The following ZNF544 variants were observed in gnomAD, a reference collection of about 807,000 sequenced individuals.
The protein encoded by ZNF544 is zinc finger protein 544.
In ZNF544, 10 loss-of-function variants were observed where a neutral mutation model predicts 13.5. The ratio of observed to expected loss-of-function variants is 0.74; its 90% CI spans 0.46 to 1.25. The LOEUF is 1.25. ZNF544 is among the 50% of genes most tolerant of loss of function. ZNF544 has a pLI of 0.00. For missense variants in ZNF544, 896 were observed against 845.6 expected (o/e 1.06, Z -0.74); for synonymous variants, 323 against 300.5 (o/e 1.07, Z -0.77).
At chr19:58,264,610 G>A (rs2049608999), downstream of ZNF544, among the ~76,000 whole-genome samples, 1 of 151,608 alleles carries the variant, frequency 6.6e-6, no homozygotes, top group Non-Finnish European at 1.5e-5. Context: ...AGAATTGCTT[G>A]AACCTGGGAG....
chr19:58,247,916 A>C (rs1600296336), intron 6 of ZNF544, among the ~76,000 whole-genome samples: 1 of 149,746 alleles, frequency 6.7e-6, no homozygotes. Context: ...ATCTTGAGGC[A>C]TCCTTTTTTT....
intron 3 of ZNF544, among the ~76,000 whole-genome samples, chr19:58,232,240 G>A (rs567590289): frequency 6.6e-6 from 1 of 152,128 alleles, no homozygotes; most frequent in Admixed American, 6.5e-5. Context: ...ACAAACAGGT[G>A]GTGGGATGAG....
At chr19:58,259,519 A>G (rs1196252137) in intron 6 of ZNF544, 1 of 152,246 alleles carries the variant, frequency 6.6e-6, no homozygotes, top group Non-Finnish European at 1.5e-5. Flanking sequence ...ATGTCACTGG[A>G]TCAAAATCAA....
At chr19:58,249,867 A>G (rs1350869907) in intron 6 of ZNF544, among the ~76,000 whole-genome samples, 1 of 152,190 alleles carries the variant, frequency 6.6e-6, no homozygotes, top group African/African-American at 2.4e-5. Flanking sequence ...AGCTTTCCAT[A>G]AAATCCTTGG....
chr19:58,259,964 T>C (rs1219326825), intron 6 of ZNF544, among the ~76,000 whole-genome samples: 3 of 152,064 alleles, frequency 2.0e-5, no homozygotes, highest in African/African-American at 4.8e-5. Context: ...GAAGGGTACA[T>C]TGGCTTGGCT....
chr19:58,275,489 T>C lies in ZNF544; in HGVS notation c.245-834T>C, dbSNP rs377491228. Reference sequence around the variant, plus strand: ...TACTGCAATAGACAAACTCCTACCTTATAATCAAGGAGATAAACAAGAACT... The same window carrying C: ...TACTGCAATAGACAAACTCCTACCTCATAATCAAGGAGATAAACAAGAACT... On this transcript the variant is annotated intron_variant, in intron 5 of 6. Coordinates refer to the ZNF544 transcript ENST00000595981. Among the ~76,000 whole-genome samples the C allele has an allele frequency of 7.8e-4, 118 of 151,448 alleles. 1 individual carries two copies. In the South Asian group the frequency reaches 0.023, roughly 29 times the overall value.
intron 5 of ZNF544, 108 bp from the exon 6 acceptor site, chr19:58,246,603 A>G (rs569635705): frequency 6.8e-7 from 1 of 1,472,040 alleles, no homozygotes; most frequent in East Asian, 2.3e-5. Flanking sequence ...TTGTAGTCCT[A>G]ACAGTGGGGA....
intron 3 of ZNF544, among the ~76,000 whole-genome samples, chr19:58,236,272 G>C (rs185684363): frequency 6.4e-4 from 97 of 151,796 alleles, no homozygotes; most frequent in African/African-American, 2.2e-3. Flanking sequence ...GGCCGAGGCG[G>C]GCAGATCACC....
rs1302101247 is a variant in ZNF544 at position 58,229,458 on chromosome 19, T to G, written c.-231-10T>G. On this transcript the variant is annotated splice_polypyrimidine_tract_variant and intron_variant, in intron 1 of 6. Coordinates refer to ENST00000687789, the MANE Select transcript of ZNF544 (RefSeq NM_014480.4). ...CCTCCCTCAACTCATCTTCTGCGGC[T>G]TATCCACAGGTGGCAGCCAAGAGCC... 6.6e-6 allele frequency: 1 copy of G among 152,296 alleles called. No individual in the cohort carries two copies. The highest frequency in any genetic ancestry group is 1.5e-5 in the Non-Finnish European group (1 of 68,124). The allele number at this position is 152,296 out of a possible 1,614,324, so 9.4% of individuals were successfully genotyped here.
At chr19:58,259,987 CT>C (rs1266384833) in intron 6 of ZNF544, among the ~76,000 whole-genome samples, 1 of 152,172 alleles carries the variant, frequency 6.6e-6, no homozygotes, top group Non-Finnish European at 1.5e-5. Flanking sequence ...AATCCCAGCA[CT>C]TTGGGAGGCC....
In ZNF544 at chr19:58,246,402, G is replaced by A; in HGVS notation, c.135G>A (p.Glu45=). 1 of 1,614,054 alleles carries A rather than the reference G, an allele frequency of 6.2e-7. No individual in the cohort carries two copies. Among genetic ancestry groups the A allele is most frequent in the South Asian group, 1.1e-5 (1 of 91,068 alleles). ...CACTGTACCGAGAGGTGACACTGGA[G>A]ACCTGGGAGCATATTGTCTCCCTGG... ...QRTLYREVTL[E]TWEHIVSLGL... is the part of the protein sequence containing the mutation. The change falls in exon 5 of 7, where the codon GAG becomes GAA. Residue 45 remains glutamate, a synonymous_variant. Coordinates refer to ENST00000687789, the MANE Select transcript of ZNF544 (RefSeq NM_014480.4).
chr19:58,263,744 T>C, downstream of ZNF544: 1 of 241,578 alleles, frequency 4.1e-6, no homozygotes, highest in Non-Finnish European at 6.7e-6. Flanking sequence ...GTGGATCACC[T>C]GAAGTCAGAA....
intron 3 of ZNF544, among the ~76,000 whole-genome samples, chr19:58,241,883 T>TCTTTGTCTC (rs2043961521): frequency 6.6e-6 from 1 of 152,088 alleles, no homozygotes; most frequent in South Asian, 2.1e-4. Flanking sequence ...CATTGCGTTG[T>TCTTTGTCTC]CTTTGTCTTC....
chr19:58,250,384 T>C (rs1390651575), intron 6 of ZNF544, among the ~76,000 whole-genome samples: 1 of 152,198 alleles, frequency 6.6e-6, no homozygotes. Context: ...GTCTGAGGAT[T>C]AGTGCAGTCT....
At chr19:58,275,783 C>CAAAAAAAAAAAAA (rs57148438) in intron 5 of ZNF544, among the ~76,000 whole-genome samples, 4 of 66,226 alleles carry the variant, frequency 6.0e-5, no homozygotes, top group African/African-American at 1.8e-4. Context: ...GACCCTGTCT[C>CAAAAAAAAAAAAA]AAAAAAAAAA....
intron 6 of ZNF544, among the ~76,000 whole-genome samples, chr19:58,250,001 C>T (rs2046033832): frequency 6.6e-6 from 1 of 152,058 alleles, no homozygotes; most frequent in Non-Finnish European, 1.5e-5. Context: ...CTGGCAATTG[C>T]AGTTAAAGGT....
At chr19:58,235,850 C>T (rs1319616350) in intron 3 of ZNF544, among the ~76,000 whole-genome samples, 2 of 151,846 alleles carry the variant, frequency 1.3e-5, no homozygotes, top group South Asian at 2.1e-4. Flanking sequence ...CACTTGAGGT[C>T]GGGAGTTTGA....
At chr19:58,257,007 C>T (rs932102284) in intron 6 of ZNF544, among the ~76,000 whole-genome samples, 7 of 151,578 alleles carry the variant, frequency 4.6e-5, no homozygotes, top group African/African-American at 7.3e-5. Context: ...CTGCAAGCTC[C>T]GCCTCCCAGG....
Position 58,261,455 on chromosome 19 carries a change from G to C in ZNF544, c.849G>C (p.Val283=), listed in dbSNP as rs1330865422. ...ATGGAAACCTCTTCAGTCACAGTGT[G>C]TCTCTGAATGAACAGAAGCCAGTGC... The part of the protein sequence containing the change: ...KDYGNLFSHS[V]SLNEQKPVHF... The change falls in exon 7 of 7, where the codon GTG becomes GTC. Residue 283 remains valine, a synonymous_variant. Transcript: ENST00000687789. 2 of 1,614,096 alleles carry C rather than the reference G, an allele frequency of 1.2e-6. No homozygotes were observed. Among genetic ancestry groups the C allele is most frequent in the African/African-American group, 2.7e-5 (2 of 74,934 alleles).
Sources: allele counts gnomAD v4.1 joint callset (sites outside exome capture counted in the v4.1 genomes callset), GRCh38; gene constraint gnomAD v4.1.1; transcripts MANE v1.5; gene names NCBI Gene and HGNC (gene_info 2026-07-23, HGNC 2026-07-21).